RBMS3: variants seen among roughly 807,000 people sequenced by gnomAD.
RBMS3 encodes RNA-binding motif, single-stranded-interacting protein 3.
In RBMS3, 27 loss-of-function variants were observed where a neutral mutation model predicts 66.8. That is an observed-to-expected ratio of 0.40 (90% CI 0.30 to 0.56). The LOEUF is 0.56. RBMS3 is among the 20% of genes least tolerant of loss of function. RBMS3 has a pLI of 0.40. For synonymous variants in RBMS3, 188 were observed against 183.0 expected, an observed-to-expected ratio of 1.03 and a Z score of -0.22; for missense variants, 513 against 549.5, an observed-to-expected ratio of 0.93 and a Z score of 0.66.
intron 1 of RBMS3, among the ~76,000 whole-genome samples, chr3:29,294,600 T>C (rs2033090113): frequency 6.6e-6 from 1 of 151,668 alleles, no homozygotes. Context: ...CAGGATTAAA[T>C]GGTAGTGGTG....
intron 12 of RBMS3, among the ~76,000 whole-genome samples, chr3:29,947,482 G>T (rs1695399541): frequency 6.6e-6 from 1 of 151,498 alleles, no homozygotes; most frequent in Non-Finnish European, 1.5e-5. Flanking sequence ...ATGTTCAAAA[G>T]AAAGAAGGAA....
chr3:29,309,833 A>T (rs918448349), intron 1 of RBMS3, among the ~76,000 whole-genome samples: 2 of 151,658 alleles, frequency 1.3e-5, no homozygotes, highest in African/African-American at 4.8e-5. Flanking sequence ...TTTCAGCTGG[A>T]GGGCAGGTGA....
chr3:29,700,187 A>G (rs913403446), intron 4 of RBMS3, among the ~76,000 whole-genome samples: 1 of 152,086 alleles, frequency 6.6e-6, no homozygotes, highest in East Asian at 1.9e-4. Flanking sequence ...CTTTTCTCTC[A>G]CTTTTCAGTA....
intron 1 of RBMS3, among the ~76,000 whole-genome samples, chr3:29,333,447 T>TA (rs1022739933): frequency 3.3e-5 from 5 of 151,996 alleles, no homozygotes; most frequent in Admixed American, 2.6e-4. Context: ...AAGTATAATT[T>TA]AAAAAAAATT....
At chr3:29,904,498 C>G (rs2060329008) in intron 10 of RBMS3, among the ~76,000 whole-genome samples, 1 of 151,820 alleles carries the variant, frequency 6.6e-6, no homozygotes, top group Non-Finnish European at 1.5e-5. Context: ...AGATCTATAT[C>G]AATTTTGCTA....
At chr3:29,607,424 T>C (rs1306349978) in intron 4 of RBMS3, among the ~76,000 whole-genome samples, 1 of 151,926 alleles carries the variant, frequency 6.6e-6, no homozygotes, top group Non-Finnish European at 1.5e-5. Flanking sequence ...CCTCACACTG[T>C]GGAAGGGGCA....
chr3:29,675,767 G>A (rs776870089), intron 4 of RBMS3, among the ~76,000 whole-genome samples: 7 of 152,170 alleles, frequency 4.6e-5, no homozygotes, highest in Non-Finnish European at 1.0e-4. Context: ...TCATTAAAAA[G>A]TCAGGAAACA....
At chr3:29,815,419 A>G (rs1383945850) in intron 6 of RBMS3, among the ~76,000 whole-genome samples, 2 of 152,158 alleles carry the variant, frequency 1.3e-5, no homozygotes, top group Non-Finnish European at 2.9e-5. Context: ...CTAGGAAACA[A>G]TATACTATAA....
intron 6 of RBMS3, among the ~76,000 whole-genome samples, chr3:29,782,412 C>G (rs963377485): frequency 6.6e-6 from 1 of 152,200 alleles, no homozygotes; most frequent in African/African-American, 2.4e-5. Flanking sequence ...CGCTGGGTGG[C>G]TAGATCCAGG....
chr3:29,523,385 C>CT (rs147035364), intron 3 of RBMS3, among the ~76,000 whole-genome samples: 2,405 of 151,330 alleles, frequency 0.016, 27 homozygotes, highest in Admixed American at 0.035. Context: ...CCAAACTGTT[C>CT]TTTTTTTTTG....
chr3:29,666,899 G>A (rs1054586097), intron 4 of RBMS3, among the ~76,000 whole-genome samples: 5 of 152,028 alleles, frequency 3.3e-5, no homozygotes, highest in African/African-American at 4.8e-5. Context: ...AATCATTTAC[G>A]TAGCACCTAC....
rs561957552 is a variant in RBMS3, at chr3:29,393,709, A to G, written c.76-41034A>G. 2.0e-5 allele frequency among the ~76,000 whole-genome samples: 3 copies of G among 152,226 alleles called. No individual in the cohort carries two copies. The South Asian group carries it at 6.2e-4, about 32-fold the overall frequency. ...CTAAGTGTCGACCCTAAGTGTTGAG[A>G]AGAGAAAGAGTACAAAGAGAGAAAT... On this transcript the variant is annotated intron_variant, in intron 1 of 14. Transcript: ENST00000383767.
intron 1 of RBMS3, among the ~76,000 whole-genome samples, chr3:29,428,711 C>T (rs1374641640): frequency 6.6e-6 from 1 of 152,052 alleles, no homozygotes; most frequent in Non-Finnish European, 1.5e-5. Flanking sequence ...ACAAAGCACA[C>T]TAAATGAATC....
At chr3:29,514,648 C>CATAT (rs1491498729) in intron 3 of RBMS3, among the ~76,000 whole-genome samples, 1 of 47,952 alleles carries the variant, frequency 2.1e-5, no homozygotes, top group African/African-American at 2.0e-4. Flanking sequence ...GTGTGATAGG[C>CATAT]ACATATATAT....
chr3:30,009,953 A>G lies in RBMS3; in HGVS notation c.*6091A>G, dbSNP rs1352509206. 6.6e-6 allele frequency: 1 copy of G among 152,050 alleles called. No homozygotes were observed. The highest frequency in any genetic ancestry group is 2.4e-5 in the African/African-American group (1 of 41,386). The allele number at this position is 152,050 out of a possible 1,614,324, so 9.4% of individuals were successfully genotyped here. On this transcript the variant is annotated 3_prime_UTR_variant, in exon 15 of 15. Transcript: ENST00000383767. ...AAATTATTTCAAAAAGATATTTGAA[A>G]AAGTTTTCTCTATTCTGGACACAAA...
intron 10 of RBMS3, among the ~76,000 whole-genome samples, chr3:29,917,479 A>G (rs1475166113): frequency 6.6e-6 from 1 of 152,146 alleles, no homozygotes; most frequent in East Asian, 1.9e-4. Context: ...AATTATGTAT[A>G]GTCCCTGTCT....
In RBMS3 at chr3:30,008,978, C is replaced by G. The variant is rs945583528; in HGVS notation, c.*5116C>G. ...GGCTTTATACTCTAACATATAGATA[C>G]TCTCTATAGCAAAAAAGGGATGAAT... On this transcript the variant is annotated 3_prime_UTR_variant, in exon 15 of 15. Transcript: ENST00000383767. The G allele has an allele frequency of 4.6e-5, 7 of 152,054 alleles. No individual in the cohort carries two copies. Among genetic ancestry groups the G allele is most frequent in the African/African-American group, 1.7e-4 (7 of 41,416 alleles). The allele number at this position is 152,054 out of a possible 1,614,324, so 9.4% of individuals were successfully genotyped here.
At chr3:29,787,377 G>T (rs1206924359) in intron 6 of RBMS3, among the ~76,000 whole-genome samples, 1 of 152,068 alleles carries the variant, frequency 6.6e-6, no homozygotes, top group African/African-American at 2.4e-5. Context: ...AAAAATACTT[G>T]CACATGCCTG....
intron 1 of RBMS3, among the ~76,000 whole-genome samples, chr3:29,299,942 A>T (rs1416670693): frequency 6.6e-6 from 1 of 151,934 alleles, no homozygotes; most frequent in Non-Finnish European, 1.5e-5. Context: ...ACAAAAGTTT[A>T]ATATCCTAGA....
Sources: gnomAD v4.1 joint callset for allele counts (sites outside exome capture counted in the v4.1 genomes callset) on GRCh38, gnomAD v4.1.1 for gene constraint, MANE v1.5 for transcripts, NCBI Gene and HGNC (gene_info 2026-07-23, HGNC 2026-07-21) for gene names.